Variants in VPS8 observed in about 807,000 individuals in gnomAD.
VPS8 encodes the protein vacuolar protein sorting-associated protein 8 homolog.
In VPS8, 129 loss-of-function variants were observed where a neutral mutation model predicts 216.4. The observed-to-expected ratio is 0.60, with a 90% CI of 0.52 to 0.69. The LOEUF (loss-of-function observed/expected upper bound fraction) is 0.69, where lower values mean the gene tolerates loss of function less well. Among genes scored for constraint, VPS8 ranks in the 30% least tolerant of loss-of-function variants. The pLI is 0.00. For missense variants in VPS8, 1,531 were observed against 1,683.5 expected, an observed-to-expected ratio of 0.91 and a Z score of 1.59; for synonymous variants, 571 against 565.4, an observed-to-expected ratio of 1.01 and a Z score of -0.14.
At chr3:184,964,591 C>T (rs1387944114) in intron 38 of VPS8, 34 bp downstream of exon 38, 3 of 1,309,214 alleles carry the variant, frequency 2.3e-6, no homozygotes, top group Non-Finnish European at 3.1e-6. Context: ...CATCATATTT[C>T]TGTCTATTCC....
Position 184,855,705 on chromosome 3 carries a change from A to G in VPS8, c.1036-6A>G, listed in dbSNP as rs1434980922. ...GATGATTTTTTTTTTCCATCTCCCT[A>G]CTTAGATGGATCCTTCCAGTGTGCC... On this transcript the variant is annotated splice_region_variant and splice_polypyrimidine_tract_variant and intron_variant, in intron 13 of 47. Coordinates refer to ENST00000625842, the MANE Select transcript of VPS8 (RefSeq NM_001009921.3). The G allele has an allele frequency of 4.4e-6, 7 of 1,606,548 alleles. No homozygotes were observed. Among genetic ancestry groups the G allele is most frequent in the South Asian group, 1.1e-5 (1 of 89,872 alleles).
At position 184,966,715 on chromosome 3, in the gene VPS8, T is replaced by G; in HGVS notation, c.3316+2T>G. 1 of 1,581,526 alleles carries G rather than the reference T, an allele frequency of 6.3e-7. No homozygotes were observed. Among genetic ancestry groups the G allele is most frequent in the Non-Finnish European group, 8.6e-7 (1 of 1,158,972 alleles). On this transcript the variant is annotated splice_donor_variant, in intron 39 of 47. Coordinates refer to ENST00000625842, the MANE Select transcript of VPS8 (RefSeq NM_001009921.3). LOFTEE classifies it high-confidence loss of function. ...AAGAGGTAACACATCAAGGTGAAAG[T>G]AAGTTCTTGAAAATAATTACAACAT...
intron 45 of VPS8, among the ~76,000 whole-genome samples, chr3:185,004,156 C>G (rs1045368216): frequency 2.6e-5 from 4 of 152,196 alleles, no homozygotes; most frequent in African/African-American, 9.7e-5. Context: ...TGCAGCGAGC[C>G]GAGACCACGC....
intron 4 of VPS8, among the ~76,000 whole-genome samples, chr3:184,834,074 G>C (rs1340088367): frequency 6.6e-6 from 1 of 152,166 alleles, no homozygotes. Context: ...TGAGTAGAGG[G>C]GGAATTTGAG....
At position 184,924,475 on chromosome 3, in the gene VPS8, C is replaced by T. The variant is rs144801131; in HGVS notation, c.2455-387C>T. ...GAGGTTGCAGTGAGCCAAGATCATGCCATTGCACTCGAGCTTGGGCAACAG... is the reference window on the plus strand; with the variant it reads ...GAGGTTGCAGTGAGCCAAGATCATGTCATTGCACTCGAGCTTGGGCAACAG... On this transcript the variant is annotated intron_variant, in intron 29 of 47. Transcript: ENST00000625842. Among the ~76,000 whole-genome samples the T allele has an allele frequency of 4.7e-3, 711 of 152,114 alleles. 7 individuals carry two copies. The highest frequency in any genetic ancestry group is 0.016 in the African/African-American group (667 of 41,454).
chr3:184,856,244 G>A (rs1725233782), intron 14 of VPS8, among the ~76,000 whole-genome samples: 1 of 152,172 alleles, frequency 6.6e-6, no homozygotes, highest in Admixed American at 6.5e-5. Context: ...TTATAATCTT[G>A]TTTGAAAAGC....
intron 42 of VPS8, among the ~76,000 whole-genome samples, chr3:184,990,020 C>T (rs1180464939): frequency 6.6e-6 from 1 of 152,024 alleles, no homozygotes; most frequent in East Asian, 1.9e-4. Context: ...TTGCAGCGAG[C>T]CGAGACCACG....
intron 45 of VPS8, among the ~76,000 whole-genome samples, chr3:185,001,052 A>G (rs1471025623): frequency 6.6e-6 from 1 of 152,222 alleles, no homozygotes; most frequent in Non-Finnish European, 1.5e-5. Context: ...TTTGTATTGA[A>G]CAGTGTGATA....
chr3:185,031,121 T>G (rs1438201689), intron 46 of VPS8, among the ~76,000 whole-genome samples: 2 of 147,282 alleles, frequency 1.4e-5, no homozygotes, highest in African/African-American at 5.2e-5. Context: ...AGCCACTGTT[T>G]CCATAACAAC....
At chr3:184,936,506 A>T (rs1274333001) in intron 35 of VPS8, among the ~76,000 whole-genome samples, 171 bp downstream of exon 35, 4 of 137,324 alleles carry the variant, frequency 2.9e-5, no homozygotes, top group African/African-American at 8.4e-5. Context: ...TAATGGCACC[A>T]ACCTAATACT....
chr3:184,817,007 T>C (rs560567549), intron 1 of VPS8, among the ~76,000 whole-genome samples: 1 of 152,212 alleles, frequency 6.6e-6, no homozygotes, highest in Non-Finnish European at 1.5e-5. Flanking sequence ...ACATTTCCAC[T>C]GTATTCATCT....
chr3:184,900,806 T>G, intron 24 of VPS8, 115 bp from the exon 25 acceptor site: 1 of 865,852 alleles, frequency 1.2e-6, no homozygotes, highest in Non-Finnish European at 1.8e-6. Context: ...TATTTAATCT[T>G]AATGGTAAAT....
intron 42 of VPS8, among the ~76,000 whole-genome samples, chr3:184,989,508 TC>T (rs1424114923): frequency 4.6e-5 from 7 of 151,950 alleles, no homozygotes; most frequent in Admixed American, 4.6e-4. Context: ...CAAGCCATCC[TC>T]CCGCCTCTGC....
At chr3:184,939,216 A>C (rs1742202291) in intron 35 of VPS8, among the ~76,000 whole-genome samples, 2 of 152,122 alleles carry the variant, frequency 1.3e-5, no homozygotes, top group Non-Finnish European at 2.9e-5. Context: ...TCTTAAAATG[A>C]AAAATTGCCA....
chr3:184,891,793 C>T (rs1365137746), intron 22 of VPS8, among the ~76,000 whole-genome samples: 2 of 152,120 alleles, frequency 1.3e-5, no homozygotes, highest in South Asian at 2.1e-4. Context: ...TGGGAATTTA[C>T]TTGTTTGGTT....
intron 29 of VPS8, among the ~76,000 whole-genome samples, chr3:184,921,839 A>G (rs1738682469): frequency 6.6e-6 from 1 of 152,188 alleles, no homozygotes; most frequent in African/African-American, 2.4e-5. Context: ...TGCCGGGATT[A>G]CAGGTGTGAG....
At chr3:184,953,130 A>G (rs1340995712) in intron 36 of VPS8, among the ~76,000 whole-genome samples, 1 of 152,204 alleles carries the variant, frequency 6.6e-6, no homozygotes, top group Non-Finnish European at 1.5e-5. Context: ...CTGGTGCAGT[A>G]AAGCCAAACA....
At position 184,891,452 on chromosome 3, in the gene VPS8, C is replaced by G. The variant is rs148061687; in HGVS notation, c.1782-3251C>G. On this transcript the variant is annotated intron_variant, in intron 22 of 47. Transcript: ENST00000625842. ...TCATCATTAAAAGTAATGGCAAAAA[C>G]TGCAATTACTTTTGTACCAACCTAA... is the stretch of plus-strand genomic sequence containing the variant. Among the ~76,000 whole-genome samples the G allele has an allele frequency of 4.6e-3, 698 of 152,218 alleles. 8 individuals carry two copies. The highest frequency in any genetic ancestry group is 0.016 in the African/African-American group (655 of 41,546).
At chr3:184,849,649 T>C in intron 9 of VPS8, 3 of 404,748 alleles carry the variant, frequency 7.4e-6, no homozygotes, top group South Asian at 5.9e-5. Flanking sequence ...TTTTTACTAG[T>C]GCTAAACAGA....
Sources: gnomAD v4.1 joint callset for allele counts (sites outside exome capture counted in the v4.1 genomes callset) on GRCh38, gnomAD v4.1.1 for gene constraint, MANE v1.5 for transcripts, NCBI Gene and HGNC (gene_info 2026-07-23, HGNC 2026-07-21) for gene names.